PTPRD: variants seen among roughly 807,000 people sequenced by gnomAD.
The protein encoded by PTPRD is receptor-type tyrosine-protein phosphatase delta.
PTPRD carries 34 observed loss-of-function variants against 214.5 expected under a neutral mutation model. The ratio of observed to expected loss-of-function variants is 0.16; its 90% CI spans 0.12 to 0.21. PTPRD has a LOEUF of 0.21. PTPRD is among the 10% of genes least tolerant of loss of function. The pLI is 1.00. For missense variants in PTPRD, 2,545 were observed against 2,398.7 expected, an observed-to-expected ratio of 1.06 and a Z score of -1.27; for synonymous variants, 1,128 against 845.7, an observed-to-expected ratio of 1.33 and a Z score of -5.79.
intron 39 of PTPRD, among the ~76,000 whole-genome samples, chr9:8,346,098 C>T (rs1042517162): frequency 1.3e-5 from 2 of 152,054 alleles, no homozygotes; most frequent in Non-Finnish European, 2.9e-5. Flanking sequence ...ATCTGCTCCT[C>T]CCACTCTCAG....
At chr9:10,323,182 T>A (rs966328680) in intron 3 of PTPRD, among the ~76,000 whole-genome samples, 4 of 150,326 alleles carry the variant, frequency 2.7e-5, no homozygotes, top group African/African-American at 9.8e-5. Flanking sequence ...CTCTTTCTTT[T>A]CTTTTTCTTT....
chr9:9,749,235 C>A (rs539840264), intron 6 of PTPRD, among the ~76,000 whole-genome samples: 1 of 152,250 alleles, frequency 6.6e-6, no homozygotes, highest in South Asian at 2.1e-4. Context: ...TCAGGGAGGG[C>A]CAACTCTGCC....
chr9:9,002,094 AT>A (rs1345356283), intron 11 of PTPRD, among the ~76,000 whole-genome samples: 7 of 151,704 alleles, frequency 4.6e-5, no homozygotes, highest in Non-Finnish European at 8.8e-5. Context: ...GTAACAAAAG[AT>A]TTTTTCCCTG....
chr9:9,659,024 A>G (rs1326481921), intron 7 of PTPRD, among the ~76,000 whole-genome samples: 1 of 152,140 alleles, frequency 6.6e-6, no homozygotes, highest in Non-Finnish European at 1.5e-5. Flanking sequence ...TTTTTTATCT[A>G]AAAGCCAGGC....
intron 3 of PTPRD, among the ~76,000 whole-genome samples, chr9:10,140,511 A>C (rs1395593316): frequency 6.6e-6 from 1 of 152,094 alleles, no homozygotes; most frequent in Admixed American, 6.6e-5. Flanking sequence ...GAAATGGATA[A>C]ATTTCTCGAC....
chr9:10,450,724 C>T (rs1167186234), intron 2 of PTPRD, among the ~76,000 whole-genome samples: 2 of 151,938 alleles, frequency 1.3e-5, no homozygotes, highest in Non-Finnish European at 1.5e-5. Flanking sequence ...TTAAAACCAT[C>T]CTGCTGGCCT....
At chr9:10,327,036 G>C (rs982393188) in intron 3 of PTPRD, among the ~76,000 whole-genome samples, 5 of 151,208 alleles carry the variant, frequency 3.3e-5, no homozygotes, top group African/African-American at 1.2e-4. Flanking sequence ...TAATTTGTTT[G>C]ATAAATTAAC....
In PTPRD at chr9:9,741,734, C is replaced by T. The variant is rs545742108; in HGVS notation, c.-325-7163G>A. On this transcript the variant is annotated intron_variant, in intron 6 of 45. Transcript: ENST00000381196. ...GGTTTTCTTTTCCTGTGTTAGTTTG[C>T]TGAGAATGATGATTTCCAGCTTCAT... Among the ~76,000 whole-genome samples, 5 of 152,200 alleles carry T rather than the reference C, an allele frequency of 3.3e-5. No individual in the cohort carries two copies. In the East Asian group the frequency reaches 9.7e-4, roughly 29 times the overall value.
chr9:9,166,248 A>T (rs1433916740), intron 10 of PTPRD, among the ~76,000 whole-genome samples: 1 of 152,002 alleles, frequency 6.6e-6, no homozygotes. Flanking sequence ...GAGAAACAAA[A>T]ATATATTGCT....
At position 10,612,507 on chromosome 9, in the gene PTPRD, T is replaced by C. The variant is rs1472000590; in HGVS notation, c.-707-2A>G. The C allele has an allele frequency of 2.0e-5, 3 of 152,166 alleles. No homozygotes were observed. The highest frequency in any genetic ancestry group is 4.8e-5 in the African/African-American group (2 of 41,438). The allele number at this position is 152,166 out of a possible 1,614,324, so 9.4% of individuals were successfully genotyped here. ...TATTCCACACAGGCCCAGAATAAAC[T>C]GCAAAAAGGGATGGCACATGCACAG... On this transcript the variant is annotated splice_acceptor_variant, in intron 1 of 45. Transcript: ENST00000381196. LOFTEE classifies it low-confidence loss of function (5UTR_SPLICE).
chr9:10,336,150 A>G (rs746842153), intron 3 of PTPRD, among the ~76,000 whole-genome samples: 20 of 151,832 alleles, frequency 1.3e-4, no homozygotes, highest in Non-Finnish European at 2.8e-4. Context: ...AGATGTTTCT[A>G]GCAGCTTTAT....
chr9:8,513,310 C>T (rs2097718347), intron 21 of PTPRD, among the ~76,000 whole-genome samples: 1 of 151,936 alleles, frequency 6.6e-6, no homozygotes, highest in Admixed American at 6.6e-5. Context: ...TTCTGTATTA[C>T]CAGAAATACA....
At chr9:8,436,809 G>C in intron 34 of PTPRD, 120 bp from the exon 35 acceptor site, 1 of 755,698 alleles carries the variant, frequency 1.3e-6, no homozygotes, top group Non-Finnish European at 2.1e-6. Context: ...TAGTAAAGAT[G>C]TTTTAGGTGA....
chr9:8,732,879 G>T (rs1020780529), intron 12 of PTPRD, among the ~76,000 whole-genome samples: 2 of 152,108 alleles, frequency 1.3e-5, no homozygotes, highest in Non-Finnish European at 2.9e-5. Flanking sequence ...CTGAAATAGT[G>T]GAGAGAAATG....
intron 10 of PTPRD, among the ~76,000 whole-genome samples, chr9:9,151,501 T>C (rs1211429410): frequency 6.6e-6 from 1 of 152,212 alleles, no homozygotes; most frequent in African/African-American, 2.4e-5. Flanking sequence ...CTTGAAGTTC[T>C]GAAGAATTGG....
intron 9 of PTPRD, among the ~76,000 whole-genome samples, chr9:9,324,758 T>A (rs1424609589): frequency 6.6e-6 from 1 of 152,132 alleles, no homozygotes; most frequent in Non-Finnish European, 1.5e-5. Flanking sequence ...AGTCATGAAG[T>A]CCTTGCCCAT....
intron 7 of PTPRD, among the ~76,000 whole-genome samples, chr9:9,721,025 A>C (rs1290707784): frequency 6.6e-6 from 1 of 152,144 alleles, no homozygotes; most frequent in Non-Finnish European, 1.5e-5. Flanking sequence ...AAAAAAAATA[A>C]CTGTTGGGTA....
intron 11 of PTPRD, among the ~76,000 whole-genome samples, chr9:8,863,357 C>T (rs2098139643): frequency 6.6e-6 from 1 of 152,180 alleles, no homozygotes; most frequent in South Asian, 2.1e-4. Flanking sequence ...GGCACTATCC[C>T]AACCCAAGTG....
intron 3 of PTPRD, among the ~76,000 whole-genome samples, chr9:10,191,354 G>C (rs1346682353): frequency 6.6e-6 from 1 of 151,820 alleles, no homozygotes. Flanking sequence ...ACAAATGACA[G>C]ACATTGCTTT....
Sources: allele counts gnomAD v4.1 joint callset (sites outside exome capture counted in the v4.1 genomes callset), GRCh38; gene constraint gnomAD v4.1.1; transcripts MANE v1.5; gene names NCBI Gene and HGNC (gene_info 2026-07-23, HGNC 2026-07-21).